PTPRN2: variants seen among roughly 807,000 people sequenced by gnomAD.
The protein encoded by PTPRN2 is protein tyrosine phosphatase receptor type N2.
In PTPRN2, 74 loss-of-function variants were observed where a neutral mutation model predicts 118.8. That is an observed-to-expected ratio of 0.62 (90% CI 0.52 to 0.76). The LOEUF is 0.76. Among genes scored for constraint, PTPRN2 ranks in the 30% least tolerant of loss-of-function variants. The pLI is 0.00. For missense variants in PTPRN2, 1,481 were observed against 1,394.4 expected, an observed-to-expected ratio of 1.06 and a Z score of -0.99; for synonymous variants, 641 against 608.0, an observed-to-expected ratio of 1.05 and a Z score of -0.80.
At position 157,986,478 on chromosome 7, in the gene PTPRN2, C is replaced by T. The variant is rs1803800370; in HGVS notation, c.1724-87741G>A. On this transcript the variant is annotated intron_variant, in intron 11 of 22. Coordinates refer to ENST00000389418, the MANE Select transcript of PTPRN2 (RefSeq NM_002847.5). The surrounding 1 kb of genome is among the most constrained non-coding windows in gnomAD (Gnocchi z 4.5). ...TGGGGCTGGAGGTCAGAACTGGCTG[C>T]ATCCGTCTCCATCTCCCCAAGCACA... Among the ~76,000 whole-genome samples the T allele has an allele frequency of 6.6e-6, 1 of 152,074 alleles. No individual in the cohort carries two copies. The highest frequency in any genetic ancestry group is 1.5e-5 in the Non-Finnish European group (1 of 68,012).
chr7:158,531,023 G>T lies in PTPRN2; in HGVS notation c.113-41238C>A, dbSNP rs77102575. Among the ~76,000 whole-genome samples the T allele has an allele frequency of 9.5e-3, 1,440 of 152,146 alleles. 24 individuals carry two copies. The highest frequency in any genetic ancestry group is 0.031 in the East Asian group (162 of 5,164). On this transcript the variant is annotated intron_variant, in intron 1 of 22. Transcript: ENST00000389418. ...GTATGTATATGAGCATGTGCATGGG[G>T]GTGTGTGTGTGAACATGTGCATGGG...
chr7:158,579,884 C>T (rs952347626), intron 1 of PTPRN2, among the ~76,000 whole-genome samples: 1 of 152,260 alleles, frequency 6.6e-6, no homozygotes, highest in Non-Finnish European at 1.5e-5. Context: ...ATGGGTGCCG[C>T]TCCATAGGAA....
rs574680696 is a variant in PTPRN2, at chr7:157,944,953, G to A, written c.1724-46216C>T. Among the ~76,000 whole-genome samples, 13 of 152,272 alleles carry A rather than the reference G, an allele frequency of 8.5e-5. 1 individual carries two copies. Among genetic ancestry groups the A allele is most frequent in the South Asian group, 6.2e-4 (3 of 4,818 alleles). ...GAGACTCTGAAATAAACACCGTGCC[G>A]AATGGAGCCTGTGCAGCTCCCAGTG... On this transcript the variant is annotated intron_variant, in intron 11 of 22. Transcript: ENST00000389418. This position sits in a 1 kb window ranked among gnomAD's most constrained non-coding sequence, Gnocchi z 4.3.
chr7:157,814,293 C>T (rs748655620), intron 12 of PTPRN2, among the ~76,000 whole-genome samples: 4 of 152,208 alleles, frequency 2.6e-5, no homozygotes, highest in Non-Finnish European at 5.9e-5. Context: ...GTGAAGGAAA[C>T]GTGGGTGTCC....
chr7:157,802,764 G>A (rs1805395400), intron 12 of PTPRN2, among the ~76,000 whole-genome samples: 2 of 152,180 alleles, frequency 1.3e-5, no homozygotes, highest in Admixed American at 6.5e-5. Flanking sequence ...CTCCTGATGG[G>A]TACAGAGACG....
In PTPRN2 at chr7:158,531,025, T is replaced by G. The variant is rs566351264; in HGVS notation, c.113-41240A>C. On this transcript the variant is annotated intron_variant, in intron 1 of 22. Transcript: ENST00000389418. ...ATGTATATGAGCATGTGCATGGGGG[T>G]GTGTGTGTGAACATGTGCATGGGCG... Among the ~76,000 whole-genome samples, 161 of 151,808 alleles carry G rather than the reference T, an allele frequency of 1.1e-3. 1 individual carries two copies. The highest frequency in any genetic ancestry group is 3.1e-3 in the South Asian group (15 of 4,800).
At chr7:157,920,756 A>G (rs1798652419) in intron 11 of PTPRN2, among the ~76,000 whole-genome samples, 1 of 152,106 alleles carries the variant, frequency 6.6e-6, no homozygotes, top group South Asian at 2.1e-4. Flanking sequence ...TCAACCCTAT[A>G]CCCTCCACAG....
intron 3 of PTPRN2, among the ~76,000 whole-genome samples, chr7:158,250,576 C>T (rs949558268): frequency 5.9e-5 from 9 of 151,764 alleles, no homozygotes; most frequent in African/African-American, 2.2e-4. Context: ...ACACACACAT[C>T]CCCCCCACAT....
At chr7:157,601,473 A>G (rs931164805) in intron 16 of PTPRN2, among the ~76,000 whole-genome samples, 1 of 152,098 alleles carries the variant, frequency 6.6e-6, no homozygotes, top group African/African-American at 2.4e-5. Context: ...TGTGGTATGA[A>G]ATAAAGGAAA....
intron 12 of PTPRN2, among the ~76,000 whole-genome samples, chr7:157,720,843 G>A (rs1310101772): frequency 6.6e-6 from 1 of 152,234 alleles, no homozygotes; most frequent in Non-Finnish European, 1.5e-5. Flanking sequence ...GGAGCCCTGG[G>A]CAGGGGACAC....
chr7:157,557,794 TG>T (rs1200039854), intron 21 of PTPRN2, among the ~76,000 whole-genome samples: 1 of 152,106 alleles, frequency 6.6e-6, no homozygotes, highest in Non-Finnish European at 1.5e-5. Context: ...CTATTTCTTA[TG>T]TTTTTTTTTC....
In PTPRN2 at chr7:157,671,531, G is replaced by A. The variant is rs1383801604; in HGVS notation, c.2001+11194C>T. Among the ~76,000 whole-genome samples, 3 of 152,012 alleles carry A rather than the reference G, an allele frequency of 2.0e-5. No individual in the cohort carries two copies. Among genetic ancestry groups the A allele is most frequent in the African/African-American group, 4.8e-5 (2 of 41,348 alleles). Reference sequence around the variant, plus strand: ...GCAGGGATAAAGTGGGAGGGGGGGCGGTGCAACGGAGGGAGCCGGGCAAAC... The same window carrying A: ...GCAGGGATAAAGTGGGAGGGGGGGCAGTGCAACGGAGGGAGCCGGGCAAAC... On this transcript the variant is annotated intron_variant, in intron 13 of 22. Coordinates refer to ENST00000389418, the MANE Select transcript of PTPRN2 (RefSeq NM_002847.5). This position sits in a 1 kb window ranked among gnomAD's most constrained non-coding sequence, Gnocchi z 4.1.
chr7:157,606,425 G>A (rs1395956148), intron 15 of PTPRN2, among the ~76,000 whole-genome samples: 3 of 152,240 alleles, frequency 2.0e-5, no homozygotes, highest in African/African-American at 7.2e-5. Flanking sequence ...CTGGTGTGAT[G>A]GTAGTGGCCA....
chr7:158,048,779 C>T (rs1486404562), intron 11 of PTPRN2, among the ~76,000 whole-genome samples: 1 of 151,860 alleles, frequency 6.6e-6, no homozygotes, highest in Non-Finnish European at 1.5e-5. Flanking sequence ...ACCATCATCA[C>T]TATCATCCCA....
chr7:157,886,788 TG>T (rs1796471911), intron 12 of PTPRN2, among the ~76,000 whole-genome samples: 1 of 29,928 alleles, frequency 3.3e-5, no homozygotes, highest in Non-Finnish European at 6.9e-5. Flanking sequence ...CCAGGGCCAC[TG>T]AAGTCCTTGT....
chr7:158,202,786 C>A (rs374427072), intron 4 of PTPRN2, among the ~76,000 whole-genome samples: 2 of 152,118 alleles, frequency 1.3e-5, no homozygotes, highest in African/African-American at 2.4e-5. Context: ...GTGCCATCTA[C>A]GTTCCAGGCT....
chr7:158,041,067 T>C (rs1808430702), intron 11 of PTPRN2, among the ~76,000 whole-genome samples: 1 of 152,104 alleles, frequency 6.6e-6, no homozygotes, highest in South Asian at 2.1e-4. Flanking sequence ...GAAGCTCTTC[T>C]GACAGAAGGA....
At chr7:158,148,407 C>A (rs1432449900) in intron 6 of PTPRN2, among the ~76,000 whole-genome samples, 4 of 136,744 alleles carry the variant, frequency 2.9e-5, no homozygotes, top group Admixed American at 7.1e-5. Context: ...AATGACACCC[C>A]ATCTCACGCC....
chr7:158,363,503 TGCACACAA>T (rs1809176710), intron 2 of PTPRN2, among the ~76,000 whole-genome samples: 1 of 152,232 alleles, frequency 6.6e-6, no homozygotes, highest in African/African-American at 2.4e-5. Context: ...CGTCGAAGCC[TGCACACAA>T]TTCCTGGTGA....
Sources: allele counts gnomAD v4.1 joint callset (sites outside exome capture counted in the v4.1 genomes callset), GRCh38; gene constraint gnomAD v4.1.1; non-coding constraint Gnocchi (gnomAD v3.1); transcripts MANE v1.5; gene names NCBI Gene and HGNC (gene_info 2026-07-23, HGNC 2026-07-21).